The following MDGA2 variants were observed in gnomAD, a reference collection of about 807,000 sequenced individuals.
The protein encoded by MDGA2 is MAM domain containing glycosylphosphatidylinositol anchor 2.
A neutral mutation model predicts 117.8 loss-of-function variants in MDGA2; 40 were observed. That is an observed-to-expected ratio of 0.34 (90% CI 0.26 to 0.44). The LOEUF is 0.44. Among genes scored for constraint, MDGA2 ranks in the 20% least tolerant of loss-of-function variants. The pLI is 1.00. For missense variants in MDGA2, 1,123 were observed against 1,250.6 expected, an observed-to-expected ratio of 0.90 and a Z score of 1.54; for synonymous variants, 452 against 439.0, an observed-to-expected ratio of 1.03 and a Z score of -0.37.
At chr14:47,021,229 T>C (rs1182202669) in intron 8 of MDGA2, among the ~76,000 whole-genome samples, 1 of 152,166 alleles carries the variant, frequency 6.6e-6, no homozygotes, top group African/African-American at 2.4e-5. Context: ...AACTAAGGAA[T>C]TGTAAAATAA....
intron 1 of MDGA2, among the ~76,000 whole-genome samples, chr14:47,570,795 T>C (rs1896004847): frequency 6.6e-6 from 1 of 152,010 alleles, no homozygotes; most frequent in Non-Finnish European, 1.5e-5. Context: ...CCTAAAACCA[T>C]AAAAACCCTA....
intron 3 of MDGA2, among the ~76,000 whole-genome samples, chr14:47,154,825 G>A (rs1566654028): frequency 2.0e-5 from 3 of 152,148 alleles, no homozygotes; most frequent in Admixed American, 6.5e-5. Flanking sequence ...GCGGCTGGGC[G>A]GAAAGGGGCA....
chr14:47,414,521 T>C (rs1024641531), intron 1 of MDGA2, among the ~76,000 whole-genome samples: 26 of 152,126 alleles, frequency 1.7e-4, no homozygotes, highest in African/African-American at 6.3e-4. Context: ...TCTTGCGATA[T>C]AGATAGATAA....
At chr14:47,614,831 TTTCTC>T (rs1389137460) in intron 1 of MDGA2, among the ~76,000 whole-genome samples, 3 of 152,348 alleles carry the variant, frequency 2.0e-5, no homozygotes, top group Non-Finnish European at 4.4e-5. Flanking sequence ...ATCTCTTACT[TTTCTC>T]TTCTATAATA....
At chr14:46,860,829 A>T (rs1271655196) in intron 14 of MDGA2, among the ~76,000 whole-genome samples, 3 of 151,850 alleles carry the variant, frequency 2.0e-5, no homozygotes, top group Non-Finnish European at 4.4e-5. Context: ...TCATATTCTT[A>T]TATGCTTTGT....
chr14:47,638,891 T>TGGTG (rs1594956801), intron 1 of MDGA2, among the ~76,000 whole-genome samples: 1 of 152,174 alleles, frequency 6.6e-6, no homozygotes, highest in East Asian at 1.9e-4. Context: ...CCTGGTTACC[T>TGGTG]CTCTGGTCTC....
At chr14:47,490,185 G>A (rs539227872) in intron 1 of MDGA2, among the ~76,000 whole-genome samples, 2 of 152,000 alleles carry the variant, frequency 1.3e-5, no homozygotes, top group South Asian at 4.2e-4. Context: ...CAACTCTTGG[G>A]GTTAGCTCAT....
chr14:46,901,838 T>G (rs1883298287), intron 10 of MDGA2, among the ~76,000 whole-genome samples: 1 of 152,184 alleles, frequency 6.6e-6, no homozygotes, highest in African/African-American at 2.4e-5. Flanking sequence ...ATGGCAGTCT[T>G]AACTGAGAGC....
chr14:46,981,433 T>C (rs1886668937), intron 8 of MDGA2, among the ~76,000 whole-genome samples: 1 of 152,108 alleles, frequency 6.6e-6, no homozygotes, highest in Non-Finnish European at 1.5e-5. Flanking sequence ...TACTAGGATA[T>C]AAAATATAAA....
intron 9 of MDGA2, among the ~76,000 whole-genome samples, chr14:46,924,656 C>T (rs147587247): frequency 6.6e-6 from 1 of 151,390 alleles, no homozygotes; most frequent in African/African-American, 2.4e-5. Context: ...AAAATGAGCC[C>T]ATTTTATTAT....
intron 3 of MDGA2, among the ~76,000 whole-genome samples, chr14:47,188,027 G>T (rs1034982854): frequency 3.3e-5 from 5 of 151,814 alleles, no homozygotes; most frequent in African/African-American, 4.8e-5. Flanking sequence ...ATAGTCTAAA[G>T]GAAAAGATAT....
chr14:46,953,016 A>G (rs7153202), intron 9 of MDGA2, among the ~76,000 whole-genome samples: 17,860 of 151,794 alleles, frequency 0.12, 1,993 homozygotes, highest in African/African-American at 0.27. Context: ...ATAAAAGGAA[A>G]CTGCAGTATC....
At chr14:47,050,756 A>G (rs992575159) in intron 7 of MDGA2, among the ~76,000 whole-genome samples, 38 of 152,120 alleles carry the variant, frequency 2.5e-4, no homozygotes, top group African/African-American at 9.1e-4. Context: ...TTAATGTAGC[A>G]TGATGTTGAA....
At chr14:47,306,430 G>T (rs1053146899) in intron 1 of MDGA2, among the ~76,000 whole-genome samples, 2 of 152,142 alleles carry the variant, frequency 1.3e-5, no homozygotes, top group Non-Finnish European at 2.9e-5. Context: ...TGTTTCTGAT[G>T]AAGAAACTTT....
At chr14:47,192,716 CTGT>C (rs2139411752) in intron 3 of MDGA2, among the ~76,000 whole-genome samples, 1 of 152,264 alleles carries the variant, frequency 6.6e-6, no homozygotes, top group Non-Finnish European at 1.5e-5. Flanking sequence ...GTACAAAACT[CTGT>C]TGAATTTAGC....
At chr14:47,254,857 A>G (rs919765863) in intron 2 of MDGA2, among the ~76,000 whole-genome samples, 2 of 152,214 alleles carry the variant, frequency 1.3e-5, no homozygotes, top group East Asian at 1.9e-4. Flanking sequence ...GAAACTTACA[A>G]TCATGATGGA....
chr14:47,531,544 T>G (rs539239978), intron 1 of MDGA2, among the ~76,000 whole-genome samples: 1 of 152,328 alleles, frequency 6.6e-6, no homozygotes, highest in East Asian at 1.9e-4. Context: ...ATCCCTTGCT[T>G]GTAAACCTTG....
intron 1 of MDGA2, among the ~76,000 whole-genome samples, chr14:47,549,990 G>A (rs1895549725): frequency 6.6e-6 from 1 of 152,154 alleles, no homozygotes; most frequent in Admixed American, 6.6e-5. Context: ...GACAAACACA[G>A]CTACTATCCC....
chr14:47,201,376 A>G (rs1310810730), intron 3 of MDGA2, among the ~76,000 whole-genome samples: 2 of 152,174 alleles, frequency 1.3e-5, no homozygotes, highest in Non-Finnish European at 2.9e-5. Flanking sequence ...CCTTAGGATC[A>G]CACAAAGACA....
Sources: gnomAD v4.1 joint callset for allele counts (sites outside exome capture counted in the v4.1 genomes callset) on GRCh38, gnomAD v4.1.1 for gene constraint, MANE v1.5 for transcripts, NCBI Gene and HGNC (gene_info 2026-07-23, HGNC 2026-07-21) for gene names.